The following THSD1 variants were observed in gnomAD, a reference collection of about 807,000 sequenced individuals.
The protein encoded by THSD1 is thrombospondin type 1 domain containing 1.
In THSD1, 34 loss-of-function variants were observed where a neutral mutation model predicts 46.3. The ratio of observed to expected loss-of-function variants is 0.74; its 90% CI spans 0.56 to 0.98. The LOEUF (loss-of-function observed/expected upper bound fraction) is 0.98, where lower values mean the gene tolerates loss of function less well. THSD1 is among the 50% of genes least tolerant of loss of function. The probability of loss-of-function intolerance (pLI) is 0.00; values close to 1 mark genes in which losing one functional copy is unlikely to be tolerated. For missense variants in THSD1, 1,023 were observed against 1,058.3 expected, an observed-to-expected ratio of 0.97 and a Z score of 0.46; for synonymous variants, 407 against 416.5, an observed-to-expected ratio of 0.98 and a Z score of 0.28.
At chr13:52,398,259 G>A in intron 2 of THSD1, 65 bp from the exon 3 acceptor site, 3 of 1,528,564 alleles carry the variant, frequency 2.0e-6, no homozygotes, top group Admixed American at 2.2e-5. Flanking sequence ...TAGTGACATT[G>A]ATGAAAACAG....
chr13:52,392,932 C>T (rs758043674), intron 3 of THSD1, among the ~76,000 whole-genome samples: 2 of 152,022 alleles, frequency 1.3e-5, no homozygotes, highest in South Asian at 2.1e-4. Context: ...CAAGTGGTTA[C>T]GGGTGTTCCA....
At chr13:52,402,446 G>C in intron 2 of THSD1, 97 bp downstream of exon 2, 1 of 1,217,074 alleles carries the variant, frequency 8.2e-7, no homozygotes, top group South Asian at 1.3e-5. Flanking sequence ...ACCCTACCCT[G>C]CCTCCTTCAG....
At chr13:52,384,757 A>G (rs1957717924) in intron 4 of THSD1, among the ~76,000 whole-genome samples, 1 of 152,164 alleles carries the variant, frequency 6.6e-6, no homozygotes, top group African/African-American at 2.4e-5. Context: ...AATAAGGTGT[A>G]TTTGAGGGAA....
intron 1 of THSD1, among the ~76,000 whole-genome samples, chr13:52,404,352 G>A (rs148113016): frequency 1.3e-5 from 2 of 152,282 alleles, no homozygotes; most frequent in East Asian, 3.9e-4. Flanking sequence ...ATTGAAATAA[G>A]CCAGAATTCA....
chr13:52,394,149 A>G (rs538568779), intron 3 of THSD1, among the ~76,000 whole-genome samples: 1 of 152,276 alleles, frequency 6.6e-6, no homozygotes, highest in South Asian at 2.1e-4. Flanking sequence ...CAGCCTTTAG[A>G]CATGGAATGG....
At chr13:52,396,038 G>A (rs1029522232) in intron 3 of THSD1, among the ~76,000 whole-genome samples, 3 of 152,222 alleles carry the variant, frequency 2.0e-5, no homozygotes, top group Non-Finnish European at 2.9e-5. Context: ...CAGGAGGGTG[G>A]TTAAAGGGAT....
At chr13:52,402,321 ATTTT>A (rs903289249) in intron 2 of THSD1, among the ~76,000 whole-genome samples, 8 of 152,098 alleles carry the variant, frequency 5.3e-5, no homozygotes, top group Non-Finnish European at 4.4e-5. Flanking sequence ...TGGTTTTTTT[ATTTT>A]TTTAAGAGTT....
intron 3 of THSD1, 36 bp from the exon 4 acceptor site, chr13:52,386,222 C>A: frequency 1.2e-6 from 2 of 1,601,290 alleles, no homozygotes; most frequent in East Asian, 2.2e-5. Context: ...AATGCTAGTT[C>A]ATTTGAGAAT....
chr13:52,398,105 C>G lies in THSD1; in HGVS notation c.148G>C (p.Asp50His). Residue 50 changes from aspartate to histidine, a missense_variant, in exon 3 of 5, where the codon GAT becomes CAT. Transcript: ENST00000258613. ...TTCCTCAGTGTCCCATTAGCACCAT[C>G]AAAATACTGGAAATCCACATACACT... is the stretch of plus-strand genomic sequence containing the variant. The part of the protein sequence containing the change: ...DTVYVDFQYF[D>H]GANGTLRNVS... 6 of 1,614,200 alleles carry G rather than the reference C, an allele frequency of 3.7e-6. No homozygotes were observed. The highest frequency in any genetic ancestry group is 5.1e-6 in the Non-Finnish European group (6 of 1,180,042).
chr13:52,402,659 G>A lies in THSD1; in HGVS notation c.-59C>T. The A allele has an allele frequency of 1.3e-6, 2 of 1,597,748 alleles. No individual in the cohort carries two copies. Among genetic ancestry groups the A allele is most frequent in the Non-Finnish European group, 1.7e-6 (2 of 1,170,862 alleles). On this transcript the variant is annotated 5_prime_UTR_variant, in exon 2 of 5. Transcript: ENST00000258613. The stretch of plus-strand genomic sequence containing the variant: ...TCATGTCCTTTCTCACGTCCAGATT[G>A]TGATTTTTTTCCCCAAAAACACCTG...
Position 52,397,327 on chromosome 13 carries a change from TCAAA to T in THSD1, c.922_925del (p.Phe308ThrfsTer27). 6.2e-7 allele frequency: 1 copy of T among 1,614,090 alleles called. No individual in the cohort carries two copies. Among genetic ancestry groups the T allele is most frequent in the Non-Finnish European group, 8.5e-7 (1 of 1,180,004 alleles). On this transcript the variant is annotated frameshift_variant, in exon 3 of 5. Transcript: ENST00000258613. LOFTEE classifies it high-confidence loss of function. ...AAAGCAGTACTTATTCTTCCCCATG[TCAAA>T]CAAAGTACAGTTAAAAATTGTCCTC...
chr13:52,377,722 C>T lies in THSD1; in HGVS notation c.2248G>A (p.Gly750Arg), dbSNP rs755014285. 24 of 1,612,818 alleles carry T rather than the reference C, an allele frequency of 1.5e-5. No homozygotes were observed. The South Asian group carries it at 2.0e-4, about 13-fold the overall frequency. The change falls in exon 5 of 5, where the codon GGA (glycine) becomes AGA (arginine). Residue 750 changes from glycine to arginine, a missense_variant. Gly to Arg is a moderately radical substitution (Grantham distance 125). Coordinates refer to ENST00000258613, the MANE Select transcript of THSD1 (RefSeq NM_018676.4). Reference sequence around the variant, plus strand: ...CTGTGGGGCTCTGTTCTCTCAATTCCGGCCACTAATCCTGCCTGGTGATCC... The same window carrying T: ...CTGTGGGGCTCTGTTCTCTCAATTCTGGCCACTAATCCTGCCTGGTGATCC... ...LGDHQAGLVAGIERTEPHRAR... is the reference protein window; with the variant it reads ...LGDHQAGLVARIERTEPHRAR...
rs979321468 is a variant in THSD1, at chr13:52,397,140, G to A, written c.1021+92C>T. The A allele has an allele frequency of 4.7e-5, 53 of 1,123,414 alleles. 1 individual carries two copies. In the Admixed American group the frequency reaches 1.3e-3, roughly 28 times the overall value. The allele number at this position is 1,123,414 out of a possible 1,614,324, so 69.6% of individuals were successfully genotyped here. On this transcript the variant is annotated intron_variant, in intron 3 of 4. Coordinates refer to ENST00000258613, the MANE Select transcript of THSD1 (RefSeq NM_018676.4). ...ATAAGGCATGAACCATAAAAATGAT[G>A]GTACAATTCACCTAAATTTCACCTA...
intron 3 of THSD1, among the ~76,000 whole-genome samples, chr13:52,390,176 C>G (rs1343034618): frequency 6.6e-6 from 1 of 151,752 alleles, no homozygotes; most frequent in Non-Finnish European, 1.5e-5. Context: ...ATAATTCTGT[C>G]TATCAGTACC....
Position 52,400,941 on chromosome 13 carries a change from T to C in THSD1, c.58+1602A>G, listed in dbSNP as rs563737121. 9.2e-5 allele frequency among the ~76,000 whole-genome samples: 14 copies of C among 152,272 alleles called. 1 individual carries two copies. In the South Asian group the frequency reaches 2.5e-3, roughly 27 times the overall value. ...TACTTTTTTGTAGAAGGCTGTTACATGTAGAGTAATCTGTGTTTTTTTGTT... is the reference window on the plus strand; with the variant it reads ...TACTTTTTTGTAGAAGGCTGTTACACGTAGAGTAATCTGTGTTTTTTTGTT... On this transcript the variant is annotated intron_variant, in intron 2 of 4. Transcript: ENST00000258613.
chr13:52,384,329 C>T (rs918591324), intron 4 of THSD1: 6 of 454,074 alleles, frequency 1.3e-5, no homozygotes, highest in South Asian at 3.1e-5. Flanking sequence ...TATTCAAGAT[C>T]GATAGCTTAG....
rs986134958 is a variant in THSD1, at chr13:52,397,104, A to G, written c.1021+128T>C. 11 of 819,798 alleles carry G rather than the reference A, an allele frequency of 1.3e-5. No individual in the cohort carries two copies. In the East Asian group the frequency reaches 2.4e-4, roughly 18 times the overall value. 50.8% of individuals were successfully genotyped at this position (819,798 alleles called of 1,614,324 possible). A position where few individuals can be genotyped will look rare whatever the true frequency, so the allele number is the denominator to read the frequency against. On this transcript the variant is annotated intron_variant, in intron 3 of 4. Coordinates refer to ENST00000258613, the MANE Select transcript of THSD1 (RefSeq NM_018676.4). ...TTTTCAGCTAAGGGTGATAATGCCA[A>G]TTGGTACATTATAAGGCATGAACCA...
At position 52,390,593 on chromosome 13, in the gene THSD1, A is replaced by T. The variant is rs116058072; in HGVS notation, c.1022-4407T>A. ...GCTGGCTTTGTCTTCAAAGCTTCAG[A>T]GATGTTCCCATACTAAGCCCCTCTG... On this transcript the variant is annotated intron_variant, in intron 3 of 4. Coordinates refer to ENST00000258613, the MANE Select transcript of THSD1 (RefSeq NM_018676.4). 7.2e-3 allele frequency among the ~76,000 whole-genome samples: 1,103 copies of T among 152,324 alleles called. 18 individuals are homozygous for T. Among genetic ancestry groups the T allele is most frequent in the African/African-American group, 0.026 (1,066 of 41,564 alleles).
chr13:52,378,614 G>A lies in THSD1; in HGVS notation c.1356C>T (p.Asn452=), dbSNP rs139197070. The A allele has an allele frequency of 4.4e-4, 713 of 1,614,140 alleles. 4 individuals are homozygous for A. The African/African-American group carries it at 8.4e-3, about 19-fold the overall frequency. The change falls in exon 5 of 5, where the codon AAC becomes AAT. Residue 452 remains asparagine, a synonymous_variant. Coordinates refer to ENST00000258613, the MANE Select transcript of THSD1 (RefSeq NM_018676.4). The part of the protein sequence containing the change: ...PAKCSTPARH[N]SIHSPSFRKN... The stretch of plus-strand genomic sequence containing the variant: ...TCCGGAAGCTGGGGGAGTGGATGGA[G>A]TTGTGTCGAGCAGGTGTGCTGCACT...
Sources: gnomAD v4.1 joint callset for allele counts (sites outside exome capture counted in the v4.1 genomes callset) on GRCh38, gnomAD v4.1.1 for gene constraint, MANE v1.5 for transcripts, NCBI Gene and HGNC (gene_info 2026-07-23, HGNC 2026-07-21) for gene names.